Variants in CCND3 observed in about 807,000 individuals in gnomAD.
CCND3 encodes cyclin D3.
Under a neutral mutation model 28.7 loss-of-function variants are expected in CCND3, and 9 were observed. The observed-to-expected ratio is 0.31, with a 90% CI of 0.19 to 0.55. The LOEUF (loss-of-function observed/expected upper bound fraction) is 0.55. CCND3 is among the 20% of genes least tolerant of loss of function. The pLI is 0.93. For missense variants in CCND3, 315 were observed against 385.8 expected (o/e 0.82, Z 1.54); for synonymous variants, 164 against 163.9 (o/e 1.00, Z 0.00).
intron 1 of CCND3, among the ~76,000 whole-genome samples, chr6:41,969,104 G>A (rs914892693): frequency 2.0e-5 from 3 of 151,992 alleles, no homozygotes; most frequent in Non-Finnish European, 4.4e-5. Flanking sequence ...CCTCTGTATT[G>A]TTGTTTAAAG....
At chr6:41,992,624 T>G (rs913534872) in intron 1 of CCND3, among the ~76,000 whole-genome samples, 3 of 152,054 alleles carry the variant, frequency 2.0e-5, no homozygotes, top group Non-Finnish European at 4.4e-5. Context: ...AATTTTTGTA[T>G]TTTTAGTACA....
intron 3 of CCND3, 181 bp downstream of exon 3, chr6:41,937,054 G>T: frequency 1.5e-6 from 1 of 659,874 alleles, no homozygotes; most frequent in Non-Finnish European, 2.6e-6. Flanking sequence ...CAAACTGGAG[G>T]GGTCTGAGAT....
intron 1 of CCND3, among the ~76,000 whole-genome samples, chr6:42,020,161 C>G (rs566502888): frequency 6.6e-5 from 10 of 152,146 alleles, no homozygotes; most frequent in African/African-American, 2.4e-4. Context: ...CGCCCGTAGT[C>G]CCAGCTACTC....
intron 1 of CCND3, among the ~76,000 whole-genome samples, chr6:41,955,545 C>A (rs1053780626): frequency 6.6e-6 from 1 of 151,330 alleles, no homozygotes; most frequent in Admixed American, 6.6e-5. Context: ...TAAGTGGGAA[C>A]TTCCCTAGTC....
rs67939325 is a variant in CCND3, at chr6:41,990,660, A to ATTTTTT, written c.-45-50081_-45-50076dup. Among the ~76,000 whole-genome samples, 11 of 121,274 alleles carry ATTTTTT rather than the reference A, an allele frequency of 9.1e-5. 2 individuals carry two copies. Among genetic ancestry groups the ATTTTTT allele is most frequent in the African/African-American group, 2.5e-4 (8 of 31,636 alleles). The allele number at this position is 121,274 out of a possible 152,430, so 79.6% of individuals were successfully genotyped here. ...TAGTCCATGAATCTATAACCAACTGATTTTTTTTTTTTTTTTTTTTTTTTT... is the reference window on the plus strand; with the variant it reads ...TAGTCCATGAATCTATAACCAACTGATTTTTTTTTTTTTTTTTTTTTTTTTTTTTTT... On this transcript the variant is annotated intron_variant, in intron 1 of 4. Coordinates refer to the CCND3 transcript ENST00000372988.
Position 42,000,628 on chromosome 6 carries a change from C to T in CCND3, c.-46+47873G>A, listed in dbSNP as rs1327593029. Among the ~76,000 whole-genome samples, 5 of 137,302 alleles carry T rather than the reference C, an allele frequency of 3.6e-5. 1 individual carries two copies. The highest frequency in any genetic ancestry group is 9.2e-3 in the Middle Eastern group (2 of 218). The allele number at this position is 137,302 out of a possible 152,430, so 90.1% of individuals were successfully genotyped here. On this transcript the variant is annotated intron_variant, in intron 1 of 4. Transcript: ENST00000372988. ...TGTTGCCCAGGCTGGAGCGCAATGG[C>T]GCAATCTCGGCTCACCACAACCTCT... is the stretch of plus-strand genomic sequence containing the variant.
intron 1 of CCND3, among the ~76,000 whole-genome samples, chr6:42,000,671 G>A (rs974180057): frequency 1.4e-5 from 2 of 145,882 alleles, no homozygotes; most frequent in Admixed American, 7.0e-5. Context: ...AGGTTCAAGC[G>A]ATTCCCCTGC....
At chr6:41,965,538 A>G (rs1413592100) in intron 1 of CCND3, among the ~76,000 whole-genome samples, 1 of 152,136 alleles carries the variant, frequency 6.6e-6, no homozygotes, top group Non-Finnish European at 1.5e-5. Flanking sequence ...CTGTGCCCCG[A>G]AGTGGATGCA....
At chr6:42,031,708 G>T (rs1764048452) in intron 1 of CCND3, among the ~76,000 whole-genome samples, 1 of 151,368 alleles carries the variant, frequency 6.6e-6, no homozygotes, top group Non-Finnish European at 1.5e-5. Flanking sequence ...GTGTGTGTGT[G>T]TCTAAAATAC....
At chr6:42,049,405 C>G (rs776412182), upstream of CCND3, among the ~76,000 whole-genome samples, 18 of 152,192 alleles carry the variant, frequency 1.2e-4, no homozygotes, top group Non-Finnish European at 1.9e-4. Flanking sequence ...TCATCTTTCC[C>G]CCAGCTTTAC....
chr6:41,969,491 G>A (rs1431656911), intron 1 of CCND3, among the ~76,000 whole-genome samples: 8 of 151,858 alleles, frequency 5.3e-5, no homozygotes, highest in Admixed American at 2.0e-4. Context: ...ACTCCAGCCC[G>A]GGTGACAGAG....
At chr6:41,954,443 C>T (rs1776391863) in intron 1 of CCND3, among the ~76,000 whole-genome samples, 1 of 149,514 alleles carries the variant, frequency 6.7e-6, no homozygotes, top group Non-Finnish European at 1.5e-5. Flanking sequence ...CCCAGCCACT[C>T]GGGAGGCTGA....
chr6:41,979,157 G>T lies in CCND3; in HGVS notation c.-45-38572C>A, dbSNP rs1287398346. Among the ~76,000 whole-genome samples, 3 of 58,710 alleles carry T rather than the reference G, an allele frequency of 5.1e-5. No individual in the cohort carries two copies. In the East Asian group the frequency reaches 1.7e-3, roughly 33 times the overall value. 38.5% of individuals were successfully genotyped at this position (58,710 alleles called of 152,430 possible). ...TTGCACTTCAGCCTGGGCAGTAAGA[G>T]CAAAACTCTGTCTCAAAAAAAAAAA... On this transcript the variant is annotated intron_variant, in intron 1 of 4. Transcript: ENST00000372988.
chr6:41,972,896 AT>A (rs1762073985), intron 1 of CCND3, among the ~76,000 whole-genome samples: 1 of 149,656 alleles, frequency 6.7e-6, no homozygotes. Context: ...AATTAAAAAT[AT>A]ATATATATAT....
At position 41,941,552 on chromosome 6, in the gene CCND3, C is replaced by T. The variant is rs755426354; in HGVS notation, c.98G>A (p.Arg33His). The T allele has an allele frequency of 1.3e-6, 2 of 1,593,436 alleles. No homozygotes were observed. The highest frequency in any genetic ancestry group is 8.5e-7 in the Non-Finnish European group (1 of 1,172,582). Residue 33 changes from arginine to histidine, a missense_variant, in exon 1 of 5, where the codon CGC becomes CAC. By Grantham distance (29) the Arg-to-His change is conservative. Coordinates refer to ENST00000372991, the MANE Select transcript of CCND3 (RefSeq NM_001760.5). The surrounding 1 kb of genome is among the most constrained non-coding windows in gnomAD (Gnocchi z 6.1). ...GCGGGGTACGTAGCGCTCCTCCAGG[C>T]GGAGCAGGCTCTGCAGGACACGCTG... is the stretch of plus-strand genomic sequence containing the variant. ...GDQRVLQSLLRLEERYVPRAS... is the reference protein window; with the variant it reads ...GDQRVLQSLLHLEERYVPRAS...
intron 1 of CCND3, among the ~76,000 whole-genome samples, chr6:41,959,577 G>C (rs1016347758): frequency 6.6e-6 from 1 of 151,136 alleles, no homozygotes; most frequent in African/African-American, 2.4e-5. Flanking sequence ...CCAGCTACTC[G>C]GGATGGGGGC....
upstream of CCND3, among the ~76,000 whole-genome samples, chr6:41,945,476 T>C (rs529365839): frequency 2.1e-3 from 313 of 152,238 alleles, 2 homozygotes; most frequent in Non-Finnish European, 3.1e-3. Flanking sequence ...ATCGTGCCAT[T>C]GCACTCTAGC....
chr6:41,990,937 G>A (rs993900667), intron 1 of CCND3, among the ~76,000 whole-genome samples: 3 of 151,520 alleles, frequency 2.0e-5, no homozygotes, highest in Non-Finnish European at 4.4e-5. Context: ...CACCTCAGCC[G>A]CCCAAAGTGC....
intron 1 of CCND3, among the ~76,000 whole-genome samples, chr6:41,970,295 C>T (rs938696501): frequency 6.6e-5 from 10 of 151,988 alleles, no homozygotes; most frequent in South Asian, 2.1e-4. Flanking sequence ...GCCAAGATCG[C>T]GCCACTGCAC....
Sources: allele counts gnomAD v4.1 joint callset (sites outside exome capture counted in the v4.1 genomes callset), GRCh38; gene constraint gnomAD v4.1.1; non-coding constraint Gnocchi (gnomAD v3.1); transcripts MANE v1.5; gene names NCBI Gene and HGNC (gene_info 2026-07-23, HGNC 2026-07-21).